TPP2: variants seen among roughly 807,000 people sequenced by gnomAD.
TPP2 encodes tripeptidyl peptidase 2.
A neutral mutation model predicts 155.9 loss-of-function variants in TPP2; 34 were observed. The observed-to-expected ratio is 0.22, with a 90% CI of 0.17 to 0.29. The LOEUF is 0.29. Among genes scored for constraint, TPP2 ranks in the 10% least tolerant of loss-of-function variants. TPP2 has a pLI of 1.00. For synonymous variants in TPP2, 510 were observed against 529.4 expected (o/e 0.96, Z 0.50); for missense variants, 1,028 against 1,522.3 (o/e 0.68, Z 5.40).
At chr13:102,619,469 T>G (rs936856152) in intron 5 of TPP2, among the ~76,000 whole-genome samples, 4 of 152,086 alleles carry the variant, frequency 2.6e-5, no homozygotes, top group Non-Finnish European at 5.9e-5. Flanking sequence ...GGACTATTTC[T>G]TAAACTTGTA....
chr13:102,628,781 C>G (rs1566337897), intron 8 of TPP2, among the ~76,000 whole-genome samples: 1 of 151,856 alleles, frequency 6.6e-6, no homozygotes, highest in Non-Finnish European at 1.5e-5. Context: ...TCATTTCATT[C>G]TTCCCTCTTC....
chr13:102,651,283 CAATT>C lies in TPP2; in HGVS notation c.2953-74_2953-71del, dbSNP rs1883470500. The C allele has an allele frequency of 3.4e-6, 5 of 1,491,610 alleles. No homozygotes were observed. In the East Asian group the frequency reaches 1.2e-4, roughly 37 times the overall value. The allele number at this position is 1,491,610 out of a possible 1,614,324, so 92.4% of individuals were successfully genotyped here. On this transcript the variant is annotated intron_variant, in intron 23 of 29. Transcript: ENST00000376052. ...CACAGGTGGAACATAAACTGAAAGA[CAATT>C]AGACAGAGGTTCTGTCTCCATCCTG...
At chr13:102,643,956 C>G (rs1037739834) in intron 17 of TPP2, among the ~76,000 whole-genome samples, 37 of 152,172 alleles carry the variant, frequency 2.4e-4, no homozygotes, top group African/African-American at 8.7e-4. Context: ...TTTCTGGTTA[C>G]TTTCATTTGT....
intron 3 of TPP2, among the ~76,000 whole-genome samples, chr13:102,614,826 T>G (rs1880599344): frequency 6.6e-6 from 1 of 152,232 alleles, no homozygotes; most frequent in Admixed American, 6.5e-5. Flanking sequence ...ATTATGGTAG[T>G]CACTAGCCAT....
chr13:102,604,070 G>A (rs539597345), intron 1 of TPP2, among the ~76,000 whole-genome samples: 1 of 152,152 alleles, frequency 6.6e-6, no homozygotes, highest in Non-Finnish European at 1.5e-5. Flanking sequence ...ACAGCTGGGC[G>A]TGGGGATTCC....
At chr13:102,600,191 C>A (rs1048450347) in intron 1 of TPP2, among the ~76,000 whole-genome samples, 1 of 152,100 alleles carries the variant, frequency 6.6e-6, no homozygotes, top group Non-Finnish European at 1.5e-5. Flanking sequence ...TCATCCTTTG[C>A]CTCCCCTTGA....
At chr13:102,643,469 G>T (rs1391019722) in intron 17 of TPP2, 93 bp downstream of exon 17, 27 of 1,203,062 alleles carry the variant, frequency 2.2e-5, no homozygotes, top group Non-Finnish European at 2.8e-5. Flanking sequence ...TTTATAGTTT[G>T]TATTTAGCAT....
intron 8 of TPP2, among the ~76,000 whole-genome samples, chr13:102,629,166 G>T (rs1054479073): frequency 2.0e-5 from 3 of 152,096 alleles, no homozygotes; most frequent in African/African-American, 7.2e-5. Flanking sequence ...GTGTCTTCAG[G>T]ACTATGTTAA....
chr13:102,658,320 G>A (rs925405467), intron 25 of TPP2, among the ~76,000 whole-genome samples: 1 of 152,182 alleles, frequency 6.6e-6, no homozygotes, highest in Non-Finnish European at 1.5e-5. Flanking sequence ...TTGAACCATT[G>A]TAATGTCAGT....
intron 27 of TPP2, among the ~76,000 whole-genome samples, chr13:102,665,665 T>C (rs898103555): frequency 6.6e-6 from 1 of 152,196 alleles, no homozygotes. Flanking sequence ...GTCAGTTACT[T>C]GTTTATCACT....
intron 24 of TPP2, among the ~76,000 whole-genome samples, chr13:102,652,387 AACAT>A (rs1203468280): frequency 4.3e-5 from 3 of 69,350 alleles, no homozygotes; most frequent in Admixed American, 3.1e-4. Flanking sequence ...CTCAAAACAA[AACAT>A]ACATACATAT....
rs145648478 is a variant in TPP2 at position 102,621,019 on chromosome 13, C to T, written c.621-1858C>T. ...TGTACCCTGCTCTGTGTATGAGCCT[C>T]ATTTTGATATCCTTTCTCTGTATTC... is the stretch of plus-strand genomic sequence containing the variant. On this transcript the variant is annotated intron_variant, in intron 5 of 29. Transcript: ENST00000376052. 5.3e-5 allele frequency among the ~76,000 whole-genome samples: 8 copies of T among 152,312 alleles called. No individual in the cohort carries two copies. The East Asian group carries it at 1.4e-3, about 26-fold the overall frequency.
chr13:102,643,980 T>C (rs1051571600), intron 17 of TPP2, among the ~76,000 whole-genome samples: 5 of 152,252 alleles, frequency 3.3e-5, no homozygotes, highest in African/African-American at 1.2e-4. Context: ...CTTCCATGGA[T>C]CAGTGTTGCT....
At chr13:102,609,114 C>A (rs1358690974) in intron 2 of TPP2, among the ~76,000 whole-genome samples, 1 of 152,176 alleles carries the variant, frequency 6.6e-6, no homozygotes, top group African/African-American at 2.4e-5. Context: ...GGTAACCACA[C>A]CATGCAAGGG....
At chr13:102,614,824 A>C (rs1246837763) in intron 3 of TPP2, among the ~76,000 whole-genome samples, 1 of 152,238 alleles carries the variant, frequency 6.6e-6, no homozygotes. Flanking sequence ...CCATTATGGT[A>C]GTCACTAGCC....
intron 5 of TPP2, among the ~76,000 whole-genome samples, chr13:102,620,255 C>T (rs1881057735): frequency 6.6e-6 from 1 of 152,084 alleles, no homozygotes; most frequent in Non-Finnish European, 1.5e-5. Context: ...GACAACTATT[C>T]TAAGGGTTTT....
intron 27 of TPP2, among the ~76,000 whole-genome samples, chr13:102,672,462 C>T (rs1448788310): frequency 6.6e-6 from 1 of 152,170 alleles, no homozygotes; most frequent in Admixed American, 6.5e-5. Context: ...AATTTGACTG[C>T]CTTCAGCCAA....
intron 6 of TPP2, among the ~76,000 whole-genome samples, chr13:102,624,768 C>T (rs769545447): frequency 2.8e-4 from 42 of 150,516 alleles, no homozygotes; most frequent in Admixed American, 1.0e-3. Context: ...TGGTATCTGT[C>T]GACATATATT....
At position 102,596,990 on chromosome 13, in the gene TPP2, C is replaced by A. The variant is rs745878760; in HGVS notation, c.-49C>A. ...CACGGGTGTCCTCGCGCTGCTAGTC[C>A]GCGCGCAGCCTGGCAGTTTGCCGCT... On this transcript the variant is annotated 5_prime_UTR_variant, in exon 1 of 30. Transcript: ENST00000376052. The A allele has an allele frequency of 5.6e-6, 9 of 1,595,860 alleles. No individual in the cohort carries two copies. The highest frequency in any genetic ancestry group is 5.6e-5 in the South Asian group (5 of 90,076).
Sources: allele counts gnomAD v4.1 joint callset (sites outside exome capture counted in the v4.1 genomes callset), GRCh38; gene constraint gnomAD v4.1.1; transcripts MANE v1.5; gene names NCBI Gene and HGNC (gene_info 2026-07-23, HGNC 2026-07-21).